The following C1orf159 variants were observed in gnomAD, a reference collection of about 807,000 sequenced individuals.
The protein encoded by C1orf159 is uncharacterized protein C1orf159.
A neutral mutation model predicts 25.6 loss-of-function variants in C1orf159; 19 were observed. The ratio of observed to expected loss-of-function variants is 0.74; its 90% CI spans 0.52 to 1.09. C1orf159 has a LOEUF of 1.09. Ranked by LOEUF, C1orf159 falls within the 50% of genes least tolerant of loss-of-function variation. C1orf159 has a pLI of 0.00. For synonymous variants in C1orf159, 139 were observed against 124.7 expected (o/e 1.12, Z -0.77); for missense variants, 274 against 290.6 (o/e 0.94, Z 0.42).
At chr1:1,091,047 C>T (rs548094035) in intron 3 of C1orf159, 59 of 1,349,486 alleles carry the variant, frequency 4.4e-5, no homozygotes, top group Admixed American at 1.2e-4. Flanking sequence ...GAATCCACAC[C>T]GCCAGGGAGG....
At chr1:1,093,468 G>A (rs934326939) in intron 1 of C1orf159, among the ~76,000 whole-genome samples, 4 of 152,232 alleles carry the variant, frequency 2.6e-5, no homozygotes, top group African/African-American at 4.8e-5. Flanking sequence ...CAGCCAGGAC[G>A]GTGCCCGGTC....
chr1:1,093,212 C>T (rs1171670484), intron 1 of C1orf159, among the ~76,000 whole-genome samples: 1 of 152,216 alleles, frequency 6.6e-6, no homozygotes, highest in Non-Finnish European at 1.5e-5. Context: ...CCGTCTTCCC[C>T]TGCTCAGTGG....
In C1orf159 at chr1:1,089,349, C is replaced by T. The variant is rs1218646204; in HGVS notation, c.148+1004G>A. The stretch of plus-strand genomic sequence containing the variant: ...GCCACGGCCCCAGCACTCTTGCTGC[C>T]ATGGGGTGCCAGGGGAGTGGTTCTC... On this transcript the variant is annotated intron_variant, in intron 4 of 9. Transcript: ENST00000421241. This position sits in a 1 kb window ranked among gnomAD's most constrained non-coding sequence, Gnocchi z 7.5. Among the ~76,000 whole-genome samples, 1 of 152,128 alleles carries T rather than the reference C, an allele frequency of 6.6e-6. No individual in the cohort carries two copies. The highest frequency in any genetic ancestry group is 1.9e-4 in the East Asian group (1 of 5,180).
At chr1:1,086,921 C>T (rs781240427) in intron 6 of C1orf159, among the ~76,000 whole-genome samples, 26 of 152,208 alleles carry the variant, frequency 1.7e-4, no homozygotes, top group Non-Finnish European at 3.4e-4. Flanking sequence ...CCCCTAACTA[C>T]GGCCCTTTAG....
chr1:1,089,082 G>A lies in C1orf159; in HGVS notation c.148+1271C>T, dbSNP rs1645883515. On this transcript the variant is annotated intron_variant, in intron 4 of 9. Transcript: ENST00000421241. This position sits in a 1 kb window ranked among gnomAD's most constrained non-coding sequence, Gnocchi z 7.5. ...AGCACTGTCCCCAGAAGTGCCCGCT[G>A]CCTCCCCGAGCGGAGACGTGACCTG... Among the ~76,000 whole-genome samples, 1 of 152,214 alleles carries A rather than the reference G, an allele frequency of 6.6e-6. No individual in the cohort carries two copies. Among genetic ancestry groups the A allele is most frequent in the Admixed American group, 6.5e-5 (1 of 15,284 alleles).
intron 1 of C1orf159, among the ~76,000 whole-genome samples, chr1:1,108,919 C>T (rs1285681574): frequency 5.0e-5 from 5 of 99,970 alleles, no homozygotes; most frequent in Admixed American, 1.9e-4. Context: ...GCAGCACCGT[C>T]CACCACAGCC....
At chr1:1,111,555 GT>G (rs1272088458) in intron 1 of C1orf159, among the ~76,000 whole-genome samples, 3 of 151,964 alleles carry the variant, frequency 2.0e-5, no homozygotes, top group Non-Finnish European at 4.4e-5. Context: ...CAAAGAACTG[GT>G]TTCAAGAAAA....
intron 1 of C1orf159, among the ~76,000 whole-genome samples, chr1:1,102,048 G>A (rs1646107481): frequency 2.9e-5 from 4 of 137,352 alleles, no homozygotes; most frequent in Non-Finnish European, 6.1e-5. Flanking sequence ...TCCAGCCTGG[G>A]CGACAACAGC....
Position 1,101,048 on chromosome 1 carries a change from G to A in C1orf159, c.-135-8945C>T, listed in dbSNP as rs530531967. 3.9e-5 allele frequency among the ~76,000 whole-genome samples: 6 copies of A among 152,204 alleles called. No homozygotes were observed. In the East Asian group the frequency reaches 1.2e-3, roughly 29 times the overall value. The stretch of plus-strand genomic sequence containing the variant: ...GTATATACTATCTTCAGCATTTCCG[G>A]TAGCACAATTTGATGGTGACAAATT... On this transcript the variant is annotated intron_variant, in intron 1 of 9. Coordinates refer to ENST00000421241, the MANE Select transcript of C1orf159 (RefSeq NM_017891.5).
intron 1 of C1orf159, 94 bp from the exon 2 acceptor site, chr1:1,092,197 C>T (rs961463689): frequency 3.0e-6 from 1 of 331,340 alleles, no homozygotes; most frequent in South Asian, 2.2e-5. Context: ...CGGTCCGGGC[C>T]CTCTGTCCAC....
At chr1:1,098,624 TC>T (rs773061224) in intron 1 of C1orf159, among the ~76,000 whole-genome samples, 1 of 152,160 alleles carries the variant, frequency 6.6e-6, no homozygotes, top group Non-Finnish European at 1.5e-5. Flanking sequence ...CGTAACTTTT[TC>T]TTTTTGTTTT....
At chr1:1,083,687 G>A (rs548058700) in intron 9 of C1orf159, 42 of 570,728 alleles carry the variant, frequency 7.4e-5, no homozygotes, top group African/African-American at 5.1e-4. Context: ...CTCGGGCACC[G>A]TGGGGTCTGC....
At chr1:1,113,174 CGACAGA>C (rs1206474630) in intron 1 of C1orf159, among the ~76,000 whole-genome samples, 1 of 148,326 alleles carries the variant, frequency 6.7e-6, no homozygotes, top group African/African-American at 2.5e-5. Flanking sequence ...CCAGCCTGGG[CGACAGA>C]GACAGACTCC....
intron 1 of C1orf159, among the ~76,000 whole-genome samples, chr1:1,094,115 G>A (rs563042260): frequency 2.6e-5 from 4 of 151,768 alleles, no homozygotes; most frequent in African/African-American, 7.3e-5. Flanking sequence ...CAGGGGTGGG[G>A]GGCATAGGGT....
At chr1:1,086,119 C>T (rs1645827036) in intron 6 of C1orf159, 107 bp from the exon 7 acceptor site, 1 of 1,379,170 alleles carries the variant, frequency 7.3e-7, no homozygotes, top group Non-Finnish European at 9.9e-7. Context: ...CTGAACATGC[C>T]TGAGCCTCAC....
intron 1 of C1orf159, among the ~76,000 whole-genome samples, chr1:1,102,656 G>A (rs925603784): frequency 6.9e-6 from 1 of 144,162 alleles, no homozygotes; most frequent in African/African-American, 2.5e-5. Context: ...AAAATTGCCA[G>A]GCGTAGTGGT....
At chr1:1,099,106 T>G in intron 1 of C1orf159, among the ~76,000 whole-genome samples, 1 of 152,090 alleles carries the variant, frequency 6.6e-6, no homozygotes, top group African/African-American at 2.4e-5. Flanking sequence ...AGAGAGAGGT[T>G]AAAATCTCTG....
chr1:1,104,977 C>G (rs1474113513), intron 1 of C1orf159, among the ~76,000 whole-genome samples: 1 of 152,206 alleles, frequency 6.6e-6, no homozygotes. Flanking sequence ...ACATGCCAGA[C>G]ACCACGCGAA....
rs1453557928 is a variant in C1orf159, at chr1:1,110,919, GCTC to G, written c.-136+5138_-136+5140del. On this transcript the variant is annotated intron_variant, in intron 1 of 9. Transcript: ENST00000421241. This position sits in a 1 kb window ranked among gnomAD's most constrained non-coding sequence, Gnocchi z 4.8. ...AGAGTGTCGGTAAAATCACAGCAGCGCTCCTGTCTGGCGCGGCAGGCGGGCGCT... is the reference window on the plus strand; with the variant it reads ...AGAGTGTCGGTAAAATCACAGCAGCGCTGTCTGGCGCGGCAGGCGGGCGCT... Among the ~76,000 whole-genome samples, 2 of 152,222 alleles carry G rather than the reference GCTC, an allele frequency of 1.3e-5. No individual in the cohort carries two copies. Among genetic ancestry groups the G allele is most frequent in the East Asian group, 3.9e-4 (2 of 5,194 alleles).
Sources: allele counts gnomAD v4.1 joint callset (sites outside exome capture counted in the v4.1 genomes callset), GRCh38; gene constraint gnomAD v4.1.1; non-coding constraint Gnocchi (gnomAD v3.1); transcripts MANE v1.5; gene names NCBI Gene and HGNC (gene_info 2026-07-23, HGNC 2026-07-21).